Variants in MIB2 observed in about 807,000 individuals in gnomAD.
MIB2 encodes the protein MIB E3 ubiquitin protein ligase 2.
A neutral mutation model predicts 96.6 loss-of-function variants in MIB2; 78 were observed. The ratio of observed to expected loss-of-function variants is 0.81; its 90% CI spans 0.67 to 0.97. The LOEUF (loss-of-function observed/expected upper bound fraction) is 0.97, where lower values mean the gene tolerates loss of function less well. Among genes scored for constraint, MIB2 ranks in the 50% least tolerant of loss-of-function variants. MIB2 has a pLI of 0.00. For missense variants in MIB2, 1,543 were observed against 1,424.0 expected (o/e 1.08, Z -1.35); for synonymous variants, 820 against 629.5 (o/e 1.30, Z -4.53).
Position 1,625,604 on chromosome 1 carries a change from A to C in MIB2, c.923A>C (p.Gln308Pro). The change falls in exon 8 of 20, where the codon CAG (glutamine) becomes CCG (proline). Residue 308 changes from glutamine (Q) to proline (P), a missense_variant. By Grantham distance (76) the Gln-to-Pro change is moderately conservative (BLOSUM62 -1). Transcript: ENST00000355826. This position sits in a 1 kb window ranked among gnomAD's most constrained non-coding sequence, Gnocchi z 5.0. ...RITDRGDVRV[Q>P]FNHETRWTFH... ...ACGGACCGCGGGGACGTGCGCGTGC[A>C]GTTCAACCACGAGACGCGCTGGACC... is the stretch of plus-strand genomic sequence containing the variant. The C allele has an allele frequency of 6.3e-7, 1 of 1,581,320 alleles. No homozygotes were observed. Among genetic ancestry groups the C allele is most frequent in the Non-Finnish European group, 8.6e-7 (1 of 1,164,330 alleles).
chr1:1,629,921 C>G (rs555830845), intron 19 of MIB2, among the ~76,000 whole-genome samples: 4 of 147,476 alleles, frequency 2.7e-5, no homozygotes, highest in Admixed American at 6.7e-5. Context: ...AGGTAACACC[C>G]TCCTCCCCCA....
At chr1:1,615,063 T>G, upstream of MIB2, 2 of 205,996 alleles carry the variant, frequency 9.7e-6, no homozygotes, top group African/African-American at 2.3e-5. Flanking sequence ...TAGCAGTGCA[T>G]TGTTCAGAAA....
intron 2 of MIB2, chr1:1,618,536 C>T (rs1643953789): frequency 6.6e-6 from 1 of 152,546 alleles, no homozygotes. Flanking sequence ...GCCAGCCCCA[C>T]ATCACCTGCT....
At chr1:1,619,908 T>C (rs760000230) in intron 2 of MIB2, among the ~76,000 whole-genome samples, 4 of 152,294 alleles carry the variant, frequency 2.6e-5, no homozygotes, top group Non-Finnish European at 4.4e-5. Context: ...CTGGCTGTGC[T>C]AAAAATACCG....
chr1:1,623,217 C>G (rs1284827653), intron 2 of MIB2: 6 of 770,114 alleles, frequency 7.8e-6, no homozygotes, highest in Admixed American at 3.5e-5. Flanking sequence ...CCGCGCCAGG[C>G]TGGCACGGCG....
At chr1:1,613,925 C>T (rs1358291137), upstream of MIB2, 4 of 152,078 alleles carry the variant, frequency 2.6e-5, no homozygotes. Flanking sequence ...CAGTTAGACA[C>T]AACGGATGTG....
At position 1,616,576 on chromosome 1, in the gene MIB2, C is replaced by A. The variant is rs1231792142; in HGVS notation, c.-61C>A. 1.2e-6 allele frequency: 2 copies of A among 1,603,718 alleles called. No individual in the cohort carries two copies. Among genetic ancestry groups the A allele is most frequent in the Non-Finnish European group, 8.5e-7 (1 of 1,175,506 alleles). On this transcript the variant is annotated 5_prime_UTR_variant, in exon 2 of 20. Coordinates refer to ENST00000355826, the MANE Select transcript of MIB2 (RefSeq NM_001170687.4). ...AGGCATCAGGGCTGCAGCCCAGGAG[C>A]CTCAAGGCGGCCCGGCGGGCGACTG...
At chr1:1,616,436 G>T in intron 1 of MIB2, 72 bp from the exon 2 acceptor site, 1 of 1,137,266 alleles carries the variant, frequency 8.8e-7, no homozygotes, top group South Asian at 1.6e-5. Context: ...GGGCAGCCCC[G>T]GGGGCAGACA....
Position 1,616,589 on chromosome 1 carries a change from C to T in MIB2, c.-48C>T, listed in dbSNP as rs746691806. 1.9e-6 allele frequency: 3 copies of T among 1,600,426 alleles called. No homozygotes were observed. Among genetic ancestry groups the T allele is most frequent in the African/African-American group, 1.3e-5 (1 of 74,394 alleles). ...GCAGCCCAGGAGCCTCAAGGCGGCC[C>T]GGCGGGCGACTGGACGGCCGGACAG... On this transcript the variant is annotated 5_prime_UTR_variant, in exon 2 of 20. Transcript: ENST00000355826.
chr1:1,624,986 C>T lies in MIB2; in HGVS notation c.527-5C>T, dbSNP rs767146319. 3 of 1,609,998 alleles carry T rather than the reference C, an allele frequency of 1.9e-6. No homozygotes were observed. The highest frequency in any genetic ancestry group is 2.2e-5 in the East Asian group (1 of 44,810). On this transcript the variant is annotated splice_region_variant and splice_polypyrimidine_tract_variant and intron_variant, in intron 5 of 19. Coordinates refer to ENST00000355826, the MANE Select transcript of MIB2 (RefSeq NM_001170687.4). ...TTAGCCTGCTGGGGGGGCCTCTTTCCCCAGGAGGGGAAGGGAAACCGGGCC... is the reference window on the plus strand; with the variant it reads ...TTAGCCTGCTGGGGGGGCCTCTTTCTCCAGGAGGGGAAGGGAAACCGGGCC...
In MIB2 at chr1:1,625,553, G is replaced by A; in HGVS notation, c.872G>A (p.Gly291Glu). 1 of 1,580,304 alleles carries A rather than the reference G, an allele frequency of 6.3e-7. No homozygotes were observed. The highest frequency in any genetic ancestry group is 8.6e-7 in the Non-Finnish European group (1 of 1,163,402). ...GWNPRMAEFI[G>E]QTGTVHRITD... ...CTCCATGACCCGCCACAGTTTATCG[G>A]ACAGACGGGCACCGTGCATCGTATC... The change falls in exon 8 of 20, where the codon GGA becomes GAA. Residue 291 changes from glycine to glutamate, a missense_variant. By Grantham distance (98) the Gly-to-Glu change is moderately conservative. Transcript: ENST00000355826. The surrounding 1 kb of genome is among the most constrained non-coding windows in gnomAD (Gnocchi z 5.0).
Position 1,629,913 on chromosome 1 carries a change from G to C in MIB2, c.2629+209G>C, listed in dbSNP as rs1429169227. On this transcript the variant is annotated intron_variant, in intron 19 of 19. Transcript: ENST00000355826. Reference sequence around the variant, plus strand: ...ACCCGGCCCACAGCCCCGCCTCAAGGTAACACCCTCCTCCCCCATCACACC... The same window carrying C: ...ACCCGGCCCACAGCCCCGCCTCAAGCTAACACCCTCCTCCCCCATCACACC... Among the ~76,000 whole-genome samples the C allele has an allele frequency of 1.0e-3, 137 of 134,266 alleles. 1 individual carries two copies. The highest frequency in any genetic ancestry group is 7.0e-4 in the East Asian group (3 of 4,284). 88.1% of individuals were successfully genotyped at this position (134,266 alleles called of 152,430 possible). A position where few individuals can be genotyped will look rare whatever the true frequency, so the allele number is the denominator to read the frequency against.
intron 1 of MIB2, 90 bp downstream of exon 1, chr1:1,615,723 C>T (rs888325382): frequency 1.3e-6 from 2 of 1,491,822 alleles, no homozygotes; most frequent in African/African-American, 1.5e-5. Flanking sequence ...CCGTCCGGTT[C>T]CCGCTCCCGC....
chr1:1,617,376 A>T (rs537230634), intron 2 of MIB2: 1 of 152,346 alleles, frequency 6.6e-6, no homozygotes, highest in South Asian at 2.1e-4. Flanking sequence ...TACTTGCAAT[A>T]AGGGAACTCT....
Position 1,628,691 on chromosome 1 carries a change from G to C in MIB2, c.2171G>C (p.Gly724Ala). 2 of 1,566,720 alleles carry C rather than the reference G, an allele frequency of 1.3e-6. No homozygotes were observed. The highest frequency in any genetic ancestry group is 1.7e-6 in the Non-Finnish European group (2 of 1,157,798). ...CCCCTGGTGGCTGATGGGGCCGGGG[G>C]GGACCCAGGGCCCTTGCAGCTGCTG... ...LLPLVADGAG[G>A]DPGPLQLLSR... The change falls in exon 16 of 20, where the codon GGG (glycine) becomes GCG (alanine). Residue 724 changes from glycine to alanine, a missense_variant. Coordinates refer to ENST00000355826, the MANE Select transcript of MIB2 (RefSeq NM_001170687.4).
Position 1,623,786 on chromosome 1 carries a change from CCAA to C in MIB2, c.263_265del (p.Asn88del). The C allele has an allele frequency of 1.2e-6, 2 of 1,603,708 alleles. No homozygotes were observed. Among genetic ancestry groups the C allele is most frequent in the South Asian group, 1.1e-5 (1 of 89,460 alleles). ...ACCCCACCCCCAGGCGTCCGGCACCCCAACATCATCTGTGACTGCTGCAAGAAG... is the reference window on the plus strand; with the variant it reads ...ACCCCACCCCCAGGCGTCCGGCACCCCATCATCTGTGACTGCTGCAAGAAG... On this transcript the variant is annotated inframe_deletion, in exon 4 of 20. Transcript: ENST00000355826.
At position 1,627,716 on chromosome 1, in the gene MIB2, C is replaced by G. The variant is rs370732226; in HGVS notation, c.1567C>G (p.Arg523Gly). The change falls in exon 13 of 20, where the codon CGG (arginine) becomes GGG (glycine). Residue 523 changes from arginine to glycine, a missense_variant. Transcript: ENST00000355826. ...CAGGGTGCTCCTGAGTGCTGGGTGC[C>G]GGGCGGACGCCATCAACAGCACCCA... Reference protein sequence around the residue: ...ATRVLLSAGCRADAINSTQST... With the variant: ...ATRVLLSAGCGADAINSTQST... 3 of 1,594,918 alleles carry G rather than the reference C, an allele frequency of 1.9e-6. No homozygotes were observed. The highest frequency in any genetic ancestry group is 2.5e-6 in the Non-Finnish European group (3 of 1,178,470).
At chr1:1,622,272 G>A (rs529533863) in intron 2 of MIB2, among the ~76,000 whole-genome samples, 9 of 152,316 alleles carry the variant, frequency 5.9e-5, no homozygotes, top group South Asian at 2.1e-4. Context: ...TCCCCTCCCC[G>A]CCAGGCTGGA....
chr1:1,628,716 G>T lies in MIB2; in HGVS notation c.2196G>T (p.Leu732=). 6.5e-7 allele frequency: 1 copy of T among 1,542,642 alleles called. No individual in the cohort carries two copies. Among genetic ancestry groups the T allele is most frequent in the East Asian group, 2.4e-5 (1 of 41,772 alleles). Reference sequence around the variant, plus strand: ...GGGACCCAGGGCCCTTGCAGCTGCTGTCCAGGGTGAGGAAGTGTGGCGTGG... The same window carrying T: ...GGGACCCAGGGCCCTTGCAGCTGCTTTCCAGGGTGAGGAAGTGTGGCGTGG... ...AGGDPGPLQL[L]SRLQASGLPG... is the part of the protein sequence containing the mutation. The change falls in exon 16 of 20, where the codon CTG becomes CTT. Residue 732 remains leucine (L), a synonymous_variant. Transcript: ENST00000355826.
Sources: allele counts gnomAD v4.1 joint callset (sites outside exome capture counted in the v4.1 genomes callset), GRCh38; gene constraint gnomAD v4.1.1; non-coding constraint Gnocchi (gnomAD v3.1); transcripts MANE v1.5; gene names NCBI Gene and HGNC (gene_info 2026-07-23, HGNC 2026-07-21).